Variants in FARP1 observed in about 807,000 individuals in gnomAD.
FARP1 encodes FERM, ARHGEF and pleckstrin domain-containing protein 1.
In FARP1, 52 loss-of-function variants were observed where a neutral mutation model predicts 128.8. That is an observed-to-expected ratio of 0.40 (90% confidence interval 0.32 to 0.51). FARP1 has a LOEUF of 0.51. Among genes scored for constraint, FARP1 ranks in the 20% least tolerant of loss-of-function variants. The probability of loss-of-function intolerance (pLI) is 0.45; values close to 1 mark genes in which losing one functional copy is unlikely to be tolerated. For missense variants in FARP1, 1,333 were observed against 1,367.9 expected (o/e 0.97, Z 0.40); for synonymous variants, 580 against 551.8 (o/e 1.05, Z -0.72).
chr13:98,275,781 A>G (rs1368495715), intron 2 of FARP1, among the ~76,000 whole-genome samples: 1 of 152,174 alleles, frequency 6.6e-6, no homozygotes, highest in Non-Finnish European at 1.5e-5. Context: ...TTACTGATTA[A>G]TGGTTGACTT....
At chr13:98,393,483 G>A (rs1203427602) in intron 11 of FARP1, among the ~76,000 whole-genome samples, 160 bp from the exon 12 acceptor site, 1 of 152,198 alleles carries the variant, frequency 6.6e-6, no homozygotes, top group Non-Finnish European at 1.5e-5. Context: ...GGATGACTGC[G>A]TATGTTTCCA....
chr13:98,319,162 G>A (rs1385108676), intron 2 of FARP1, among the ~76,000 whole-genome samples: 1 of 151,720 alleles, frequency 6.6e-6, no homozygotes, highest in Non-Finnish European at 1.5e-5. Context: ...ATGGGGTGTT[G>A]CTATGTTGCC....
chr13:98,226,698 A>G (rs1881794348), intron 2 of FARP1, among the ~76,000 whole-genome samples: 1 of 152,194 alleles, frequency 6.6e-6, no homozygotes, highest in Non-Finnish European at 1.5e-5. Context: ...CAGAACTCTT[A>G]AATCACATGT....
intron 2 of FARP1, among the ~76,000 whole-genome samples, chr13:98,254,793 C>T (rs1454688079): frequency 6.6e-6 from 1 of 152,130 alleles, no homozygotes. Flanking sequence ...TAAATGAAAA[C>T]ATATGTTAGT....
intron 2 of FARP1, among the ~76,000 whole-genome samples, chr13:98,225,435 C>T (rs1482685599): frequency 4.6e-5 from 7 of 152,196 alleles, no homozygotes; most frequent in Admixed American, 2.6e-4. Flanking sequence ...TCCCATCACA[C>T]GAGGAGAACT....
chr13:98,410,088 G>A (rs1356512717), intron 14 of FARP1, among the ~76,000 whole-genome samples: 3 of 152,260 alleles, frequency 2.0e-5, no homozygotes, highest in African/African-American at 7.2e-5. Context: ...TTTGAAGTCT[G>A]TTGTGTGTAC....
intron 2 of FARP1, among the ~76,000 whole-genome samples, chr13:98,309,430 A>G (rs1452554975): frequency 1.3e-5 from 2 of 151,842 alleles, no homozygotes; most frequent in African/African-American, 2.4e-5. Context: ...CGGCCTCCCA[A>G]AGTGCTGGGA....
At chr13:98,188,592 A>G (rs1879033166) in intron 1 of FARP1, among the ~76,000 whole-genome samples, 1 of 152,080 alleles carries the variant, frequency 6.6e-6, no homozygotes, top group African/African-American at 2.4e-5. Context: ...GAAGTTTTCT[A>G]GCTAGAAAGG....
intron 6 of FARP1, among the ~76,000 whole-genome samples, chr13:98,381,125 A>G (rs1211123538): frequency 6.6e-6 from 1 of 152,172 alleles, no homozygotes; most frequent in Non-Finnish European, 1.5e-5. Flanking sequence ...TTTACATGGT[A>G]TTTGACATAC....
chr13:98,363,646 A>G (rs1594447592), intron 3 of FARP1, among the ~76,000 whole-genome samples: 1 of 152,138 alleles, frequency 6.6e-6, no homozygotes. Context: ...AATTATTCCA[A>G]CGGGCCAGTC....
intron 2 of FARP1, among the ~76,000 whole-genome samples, chr13:98,256,969 A>ATATATATGTATG (rs1883644071): frequency 7.3e-6 from 1 of 137,704 alleles, no homozygotes; most frequent in Non-Finnish European, 1.6e-5. Flanking sequence ...ATATATATAT[A>ATATATATGTATG]TATATATATA....
chr13:98,246,837 C>T (rs1195677770), intron 2 of FARP1, among the ~76,000 whole-genome samples: 1 of 152,186 alleles, frequency 6.6e-6, no homozygotes, highest in Non-Finnish European at 1.5e-5. Context: ...TTAAAAAATC[C>T]AGCTGTTCCT....
intron 3 of FARP1, among the ~76,000 whole-genome samples, chr13:98,362,368 C>A (rs1888907584): frequency 6.6e-6 from 1 of 152,210 alleles, no homozygotes; most frequent in Non-Finnish European, 1.5e-5. Context: ...TCATCCTCTT[C>A]CCCATGCACC....
chr13:98,442,704 C>A (rs572948643), intron 24 of FARP1, among the ~76,000 whole-genome samples: 2 of 152,314 alleles, frequency 1.3e-5, no homozygotes, highest in South Asian at 4.1e-4. Context: ...AGGAGACCCC[C>A]GAAGCGGAGG....
At chr13:98,447,865 A>G in intron 26 of FARP1, 1 of 220,996 alleles carries the variant, frequency 4.5e-6, no homozygotes. Flanking sequence ...GAAAAAGAAA[A>G]AAGGAAGGGA....
At chr13:98,291,745 T>C (rs1885457153) in intron 2 of FARP1, among the ~76,000 whole-genome samples, 1 of 152,202 alleles carries the variant, frequency 6.6e-6, no homozygotes, top group Non-Finnish European at 1.5e-5. Flanking sequence ...CATCACTGTT[T>C]GCTGTCTCTC....
chr13:98,235,525 C>T (rs1275833784), intron 2 of FARP1, among the ~76,000 whole-genome samples: 2 of 152,048 alleles, frequency 1.3e-5, no homozygotes, highest in Admixed American at 1.3e-4. Flanking sequence ...GGAGTGATGC[C>T]CGGGTGTGGG....
chr13:98,390,192 C>A, intron 10 of FARP1, 72 bp downstream of exon 10: 1 of 1,500,676 alleles, frequency 6.7e-7, no homozygotes, highest in South Asian at 1.2e-5. Flanking sequence ...GCCGCTGTGA[C>A]ACACAGCAGG....
chr13:98,357,091 G>A (rs1888673992), intron 3 of FARP1, among the ~76,000 whole-genome samples: 1 of 152,110 alleles, frequency 6.6e-6, no homozygotes, highest in Non-Finnish European at 1.5e-5. Context: ...TACATTAGCA[G>A]TGTATTTTTG....
Sources: gnomAD v4.1 joint callset for allele counts (sites outside exome capture counted in the v4.1 genomes callset) on GRCh38, gnomAD v4.1.1 for gene constraint, MANE v1.5 for transcripts, NCBI Gene and HGNC (gene_info 2026-07-23, HGNC 2026-07-21) for gene names.